ARVCF: variants seen among roughly 807,000 people sequenced by gnomAD.
ARVCF encodes ARVCF delta catenin family member.
Under a neutral mutation model 90.9 loss-of-function variants are expected in ARVCF, and 66 were observed. That is an observed-to-expected ratio of 0.73 (90% CI 0.60 to 0.89). The LOEUF (loss-of-function observed/expected upper bound fraction) is 0.89. Among genes scored for constraint, ARVCF ranks in the 40% least tolerant of loss-of-function variants. The probability of loss-of-function intolerance (pLI) is 0.00; values close to 1 mark genes in which losing one functional copy is unlikely to be tolerated. For missense variants in ARVCF, 1,469 were observed against 1,382.3 expected (o/e 1.06, Z -1.00); for synonymous variants, 653 against 603.4 (o/e 1.08, Z -1.21).
intron 3 of ARVCF, among the ~76,000 whole-genome samples, chr22:19,984,395 CACCCATCAGCCCCG>C (rs1446561739): frequency 1.3e-5 from 2 of 152,166 alleles, no homozygotes; most frequent in Non-Finnish European, 1.5e-5. Flanking sequence ...CCTGCGGCAC[CACCCATCAGCCCCG>C]GCCTAGCAGC....
chr22:20,011,329 C>T (rs1944822850), intron 1 of ARVCF, among the ~76,000 whole-genome samples: 1 of 152,170 alleles, frequency 6.6e-6, no homozygotes, highest in South Asian at 2.1e-4. Context: ...TGCAGACAGA[C>T]AGGGAAGGGC....
chr22:19,972,959 A>G lies in ARVCF; in HGVS notation c.2516T>C (p.Leu839Ser), dbSNP rs770165446. The change falls in exon 15 of 20, where the codon TTG becomes TCG. Residue 839 changes from leucine (L) to serine (S), a missense_variant. Physicochemically the swap from Leu to Ser is moderately radical, Grantham distance 145 (BLOSUM62 -2). Transcript: ENST00000263207. ...VWSYKELRGT[L>S]QKDGWTKARF... The stretch of plus-strand genomic sequence containing the variant: ...CGCCTTGGTCCAACCATCTTTCTGC[A>G]AGGTACCACGCAGCTCCTTGTAGCT... 1.9e-6 allele frequency: 3 copies of G among 1,613,698 alleles called. No homozygotes were observed. The highest frequency in any genetic ancestry group is 2.5e-6 in the Non-Finnish European group (3 of 1,180,040).
intron 1 of ARVCF, among the ~76,000 whole-genome samples, chr22:20,013,089 A>G (rs1440033322): frequency 6.6e-6 from 1 of 152,266 alleles, no homozygotes; most frequent in East Asian, 1.9e-4. Context: ...CCCTGGCAAC[A>G]GCCAATGCAG....
chr22:19,975,724 T>C lies in ARVCF; in HGVS notation c.1922A>G (p.Asp641Gly), dbSNP rs1311183352. 5.0e-6 allele frequency: 8 copies of C among 1,613,628 alleles called. No homozygotes were observed. The highest frequency in any genetic ancestry group is 5.9e-6 in the Non-Finnish European group (7 of 1,179,962). Residue 641 changes from aspartate (D) to glycine (G), a missense_variant, in exon 11 of 20, where the codon GAC becomes GGC. Asp to Gly is a moderately conservative substitution (Grantham distance 94, BLOSUM62 -1). Coordinates refer to ENST00000263207, the MANE Select transcript of ARVCF (RefSeq NM_001670.3). ...KKDGEMDRNF[D>G]TLDLPKRTEA... ...AGTTCGCTTGGGCAGGTCTAGCGTG[T>C]CAAAGTTCCGGTCCATCTCACCATC...
chr22:19,972,882 G>A, intron 15 of ARVCF, 43 bp downstream of exon 15: 2 of 1,613,794 alleles, frequency 1.2e-6, no homozygotes, highest in Non-Finnish European at 1.7e-6. Flanking sequence ...TGGGAATAAG[G>A]CAAAGTGAGC....
intron 2 of ARVCF, among the ~76,000 whole-genome samples, chr22:19,996,261 C>T (rs771376514): frequency 1.3e-5 from 2 of 150,776 alleles, no homozygotes; most frequent in African/African-American, 2.5e-5. Flanking sequence ...AAAGAACCCC[C>T]GAGGAAAGAC....
intron 2 of ARVCF, among the ~76,000 whole-genome samples, chr22:19,991,046 C>G (rs1164266648): frequency 6.6e-6 from 1 of 152,290 alleles, no homozygotes; most frequent in Non-Finnish European, 1.5e-5. Context: ...GGCTCCTCTG[C>G]TTCCTGCTAG....
intron 2 of ARVCF, among the ~76,000 whole-genome samples, chr22:19,994,400 AAATG>A (rs1376727262): frequency 2.5e-5 from 3 of 122,410 alleles, no homozygotes; most frequent in African/African-American, 9.5e-5. Flanking sequence ...ATGAACAAAT[AAATG>A]AATGGATGGA....
chr22:19,973,231 C>T lies in ARVCF; in HGVS notation c.2326G>A (p.Val776Met), dbSNP rs750431334. Residue 776 changes from valine to methionine, a missense_variant, in exon 14 of 20, where the codon GTG becomes ATG. Val to Met is a conservative substitution (Grantham distance 21). Transcript: ENST00000263207. ...TGGATGGTGTTGAGCACCGCCACCACGGTGTCTTCCTCCAGGCAGGCCCCC... is the reference window on the plus strand; with the variant it reads ...TGGATGGTGTTGAGCACCGCCACCATGGTGTCTTCCTCCAGGCAGGCCCCC... ...RPGACLEEDTVVAVLNTIHEI... is the reference protein window; with the variant it reads ...RPGACLEEDTMVAVLNTIHEI... The T allele has an allele frequency of 3.8e-5, 61 of 1,610,472 alleles. 1 individual carries two copies. Among genetic ancestry groups the T allele is most frequent in the Non-Finnish European group, 4.8e-5 (57 of 1,179,190 alleles).
rs1943535453 is a variant in ARVCF at position 19,982,042 on chromosome 22, G to A, written c.260C>T (p.Pro87Leu). 2 of 1,612,768 alleles carry A rather than the reference G, an allele frequency of 1.2e-6. No individual in the cohort carries two copies. The highest frequency in any genetic ancestry group is 2.2e-5 in the East Asian group (1 of 44,896). ...QASLATMPEA[P>L]DVLEETVTVE... ...CGTCACGGTCTCCTCCAGCACATCAGGTGCCTCCGGCATCGTGGCCAGTGA... is the reference window on the plus strand; with the variant it reads ...CGTCACGGTCTCCTCCAGCACATCAAGTGCCTCCGGCATCGTGGCCAGTGA... The change falls in exon 4 of 20, where the codon CCT becomes CTT. Residue 87 changes from proline to leucine, a missense_variant. By Grantham distance (98) the Pro-to-Leu change is moderately conservative. Transcript: ENST00000263207.
chr22:20,008,710 A>C (rs912217302), intron 2 of ARVCF, among the ~76,000 whole-genome samples: 1 of 152,214 alleles, frequency 6.6e-6, no homozygotes, highest in African/African-American at 2.4e-5. Flanking sequence ...AGGCAGCCGC[A>C]AGCCAGAGCC....
rs1943164103 is a variant in ARVCF at position 19,976,576 on chromosome 22, G to C, written c.1888+130C>G. On this transcript the variant is annotated intron_variant, in intron 10 of 19. Transcript: ENST00000263207. ...CCCCGTGGCCTTCCCACCTGCCACT[G>C]TCATAAAGATGGCAGCCCGAGTGAT... 3.9e-6 allele frequency: 5 copies of C among 1,277,868 alleles called. No homozygotes were observed. The East Asian group carries it at 1.3e-4, about 33-fold the overall frequency. 79.2% of individuals were successfully genotyped at this position (1,277,868 alleles called of 1,614,324 possible).
chr22:20,004,499 AAAG>A (rs1239493017), intron 2 of ARVCF, among the ~76,000 whole-genome samples: 1 of 152,098 alleles, frequency 6.6e-6, no homozygotes, highest in African/African-American at 2.4e-5. Context: ...AAAAAAAAGA[AAAG>A]AAAAAAAAAA....
chr22:20,005,962 G>A (rs1460766029), intron 2 of ARVCF, among the ~76,000 whole-genome samples: 1 of 152,096 alleles, frequency 6.6e-6, no homozygotes, highest in Non-Finnish European at 1.5e-5. Context: ...GGAATATCAG[G>A]CATCAAATTC....
chr22:19,975,689 TGG>T lies in ARVCF; in HGVS notation c.1955_1956del (p.Ala652GlufsTer4). ...TLDLPKRTEAAKGFELLYQPE... is the reference protein window; with the variant it reads ...TLDLPKRTEAXKGFELLYQPE... Reference sequence around the variant, plus strand: ...GGCTTCATCTCAGCCCACTCACCTTTGGCGGCCTCAGTTCGCTTGGGCAGGTC... The same window carrying T: ...GGCTTCATCTCAGCCCACTCACCTTTCGGCCTCAGTTCGCTTGGGCAGGTC... On this transcript the variant is annotated frameshift_variant, in exon 11 of 20. Transcript: ENST00000263207. LOFTEE classifies it high-confidence loss of function. 1 of 1,613,646 alleles carries T rather than the reference TGG, an allele frequency of 6.2e-7. No homozygotes were observed. Among genetic ancestry groups the T allele is most frequent in the South Asian group, 1.1e-5 (1 of 91,074 alleles).
intron 11 of ARVCF, among the ~76,000 whole-genome samples, chr22:19,975,011 C>T (rs956418840): frequency 3.3e-5 from 5 of 152,206 alleles, no homozygotes; most frequent in African/African-American, 1.2e-4. Context: ...ATCACACCCT[C>T]GCCAGTCCTC....
Position 19,970,860 on chromosome 22 carries a change from G to A in ARVCF, c.*13-117C>T, listed in dbSNP as rs1366396370. The A allele has an allele frequency of 9.0e-6, 11 of 1,225,702 alleles. No homozygotes were observed. The South Asian group carries it at 1.3e-4, about 15-fold the overall frequency. 75.9% of individuals were successfully genotyped at this position (1,225,702 alleles called of 1,614,324 possible). A position where few individuals can be genotyped will look rare whatever the true frequency, so the allele number is the denominator to read the frequency against. On this transcript the variant is annotated intron_variant, in intron 19 of 19. Transcript: ENST00000263207. ...TACATGGATGGAGATGTGGATAGAA[G>A]CATCTGCCCTGGGTGGTGTGGGCTG...
intron 2 of ARVCF, among the ~76,000 whole-genome samples, chr22:20,003,902 C>T (rs1313687743): frequency 1.3e-5 from 2 of 151,990 alleles, no homozygotes; most frequent in Non-Finnish European, 2.9e-5. Context: ...AAAAGACATC[C>T]AAATTAGAAA....
In ARVCF at chr22:19,977,821, G is replaced by A. The variant is rs558876782; in HGVS notation, c.1698+137C>T. ...GTGCCCACTTCAGTGTGGTCACTGCGAGGCGGGCCACACCCAGAACGCCAC... is the reference window on the plus strand; with the variant it reads ...GTGCCCACTTCAGTGTGGTCACTGCAAGGCGGGCCACACCCAGAACGCCAC... On this transcript the variant is annotated intron_variant, in intron 8 of 19. Coordinates refer to ENST00000263207, the MANE Select transcript of ARVCF (RefSeq NM_001670.3). 285 of 1,128,512 alleles carry A rather than the reference G, an allele frequency of 2.5e-4. No individual in the cohort carries two copies. In the Admixed American group the frequency reaches 3.0e-3, roughly 12 times the overall value. 69.9% of individuals were successfully genotyped at this position (1,128,512 alleles called of 1,614,324 possible). A position where few individuals can be genotyped will look rare whatever the true frequency, so the allele number is the denominator to read the frequency against.
Sources: gnomAD v4.1 joint callset for allele counts (sites outside exome capture counted in the v4.1 genomes callset) on GRCh38, gnomAD v4.1.1 for gene constraint, MANE v1.5 for transcripts, NCBI Gene and HGNC (gene_info 2026-07-23, HGNC 2026-07-21) for gene names.